Variants in RHOBTB2 observed in about 807,000 individuals in gnomAD.
RHOBTB2 encodes rho-related BTB domain-containing protein 2.
Under a neutral mutation model 66.5 loss-of-function variants are expected in RHOBTB2, and 39 were observed. The ratio of observed to expected loss-of-function variants is 0.59; its 90% confidence interval spans 0.45 to 0.77. RHOBTB2 has a LOEUF of 0.77. Among genes scored for constraint, RHOBTB2 ranks in the 30% least tolerant of loss-of-function variants. The pLI, the probability that RHOBTB2 is intolerant of heterozygous loss-of-function variation, is 0.00. For missense variants in RHOBTB2, 755 were observed against 999.1 expected (o/e 0.76, Z 3.29); for synonymous variants, 390 against 395.0 (o/e 0.99, Z 0.15).
the RHOBTB2 span, among the ~76,000 whole-genome samples, chr8:22,968,651 G>T: frequency 2.7e-4 from 41 of 152,102 alleles, no homozygotes; most frequent in East Asian, 6.6e-3. Context: ...AAAACAGTAT[G>T]ATATGTTACA....
chr8:22,985,777 A>G (rs1469246547), upstream of RHOBTB2, among the ~76,000 whole-genome samples: 1 of 152,246 alleles, frequency 6.6e-6, no homozygotes, highest in Non-Finnish European at 1.5e-5. Context: ...AGGCACTCCA[A>G]TGCCCCTGAC....
chr8:23,014,468 A>G (rs761571150), intron 7 of RHOBTB2, among the ~76,000 whole-genome samples: 8 of 152,278 alleles, frequency 5.3e-5, no homozygotes, highest in Admixed American at 1.3e-4. Flanking sequence ...GGTAATTCCA[A>G]TGTCCTCCTT....
chr8:23,003,639 T>G (rs374658909), intron 1 of RHOBTB2, among the ~76,000 whole-genome samples: 5 of 152,350 alleles, frequency 3.3e-5, no homozygotes, highest in East Asian at 3.9e-4. Context: ...GGCCACTGAC[T>G]GTATCATCAT....
chr8:22,951,333 C>T, the RHOBTB2 span, among the ~76,000 whole-genome samples: 1 of 147,698 alleles, frequency 6.8e-6, no homozygotes, highest in African/African-American at 2.5e-5. Flanking sequence ...CTCACTGCAA[C>T]CTTCTTCTCC....
chr8:22,995,564 A>T (rs1310711456), upstream of RHOBTB2, among the ~76,000 whole-genome samples: 1 of 152,238 alleles, frequency 6.6e-6, no homozygotes, highest in Admixed American at 6.5e-5. Context: ...GGACTGAAGA[A>T]CTGCTTGTGC....
chr8:22,969,160 G>T, the RHOBTB2 span, among the ~76,000 whole-genome samples: 1 of 152,216 alleles, frequency 6.6e-6, no homozygotes, highest in African/African-American at 2.4e-5. Context: ...AGGCAAGAGA[G>T]AGAATGAGAG....
At chr8:22,975,347 G>C in the RHOBTB2 span, among the ~76,000 whole-genome samples, 1 of 152,156 alleles carries the variant, frequency 6.6e-6, no homozygotes, top group Non-Finnish European at 1.5e-5. Context: ...AAGACTGCAG[G>C]CTGTGGGACA....
chr8:22,983,235 G>A (rs1810238593), upstream of RHOBTB2, among the ~76,000 whole-genome samples: 1 of 151,836 alleles, frequency 6.6e-6, no homozygotes, highest in Non-Finnish European at 1.5e-5. Context: ...AGCTCTGCTT[G>A]CCATGTGTAA....
At chr8:22,968,316 A>G in the RHOBTB2 span, among the ~76,000 whole-genome samples, 22 of 152,160 alleles carry the variant, frequency 1.4e-4, no homozygotes, top group African/African-American at 5.1e-4. Context: ...TCATAAATAT[A>G]TATGGAGAAA....
At chr8:22,994,645 T>C (rs763043779), upstream of RHOBTB2, 1 of 1,549,632 alleles carries the variant, frequency 6.5e-7, no homozygotes, top group Non-Finnish European at 8.7e-7. Context: ...AGCATGTGAG[T>C]AGCTACTGTG....
Position 23,019,018 on chromosome 8 carries a change from A to G in RHOBTB2, c.*1549A>G, listed in dbSNP as rs919763875. 3 of 152,282 alleles carry G rather than the reference A, an allele frequency of 2.0e-5. No individual in the cohort carries two copies. Among genetic ancestry groups the G allele is most frequent in the African/African-American group, 7.2e-5 (3 of 41,434 alleles). The allele number at this position is 152,282 out of a possible 1,614,324, so 9.4% of individuals were successfully genotyped here. Reference sequence around the variant, plus strand: ...CCTTTCCGTTTTCTAACCCCGACTCAGATTTCACCACCCACACTCTTTTTA... The same window carrying G: ...CCTTTCCGTTTTCTAACCCCGACTCGGATTTCACCACCCACACTCTTTTTA... On this transcript the variant is annotated 3_prime_UTR_variant, in exon 10 of 10. Coordinates refer to ENST00000251822, the MANE Select transcript of RHOBTB2 (RefSeq NM_015178.3).
chr8:22,968,327 G>C, the RHOBTB2 span, among the ~76,000 whole-genome samples: 18 of 151,886 alleles, frequency 1.2e-4, no homozygotes, highest in African/African-American at 2.7e-4. Context: ...TATGGAGAAA[G>C]TGATTAAATT....
At chr8:22,956,328 G>T in the RHOBTB2 span, among the ~76,000 whole-genome samples, 1 of 152,184 alleles carries the variant, frequency 6.6e-6, no homozygotes, top group Non-Finnish European at 1.5e-5. Context: ...AATCCCCATT[G>T]TTGGAGGTGG....
At chr8:22,956,188 G>T in the RHOBTB2 span, among the ~76,000 whole-genome samples, 12 of 152,332 alleles carry the variant, frequency 7.9e-5, no homozygotes, top group African/African-American at 2.9e-4. Context: ...CTGTAGAACA[G>T]TTACCAAAGC....
intron 1 of RHOBTB2, chr8:22,987,673 A>C (rs1017505597): frequency 1.3e-5 from 2 of 152,334 alleles, no homozygotes; most frequent in Non-Finnish European, 2.9e-5. Context: ...GCACTGCACA[A>C]TTTCCAGTTC....
the RHOBTB2 span, among the ~76,000 whole-genome samples, chr8:22,960,698 A>C: frequency 1.3e-5 from 2 of 152,248 alleles, no homozygotes; most frequent in Non-Finnish European, 2.9e-5. Context: ...CGTGCAAGAC[A>C]ATCAATAAAA....
the RHOBTB2 span, among the ~76,000 whole-genome samples, chr8:22,967,865 G>A: frequency 6.6e-6 from 1 of 151,740 alleles, no homozygotes; most frequent in Admixed American, 6.6e-5. Context: ...CTTAAAAATG[G>A]TTAAAATGGG....
chr8:22,978,211 T>C, the RHOBTB2 span: 1 of 152,182 alleles, frequency 6.6e-6, no homozygotes, highest in Non-Finnish European at 1.5e-5. Context: ...TAAAGTGACA[T>C]GATGTCTACA....
the RHOBTB2 span, among the ~76,000 whole-genome samples, chr8:22,966,869 T>A: frequency 6.6e-6 from 1 of 152,180 alleles, no homozygotes; most frequent in African/African-American, 2.4e-5. Context: ...CACTCTAGGA[T>A]GTCCATTATA....
Sources: gnomAD v4.1 joint callset for allele counts (sites outside exome capture counted in the v4.1 genomes callset) on GRCh38, gnomAD v4.1.1 for gene constraint, MANE v1.5 for transcripts, NCBI Gene and HGNC (gene_info 2026-07-23, HGNC 2026-07-21) for gene names.